Variants in KIAA1328 observed in about 807,000 individuals in gnomAD.
KIAA1328 encodes the protein protein hinderin.
Under a neutral mutation model 68.1 loss-of-function variants are expected in KIAA1328, and 52 were observed. The observed-to-expected ratio is 0.76, with a 90% CI of 0.61 to 0.96. The LOEUF (loss-of-function observed/expected upper bound fraction) is 0.96. Ranked by LOEUF, KIAA1328 falls within the 40% of genes least tolerant of loss-of-function variation. KIAA1328 has a pLI of 0.00. For synonymous variants in KIAA1328, 232 were observed against 239.4 expected, an observed-to-expected ratio of 0.97 and a Z score of 0.28; for missense variants, 641 against 677.6, an observed-to-expected ratio of 0.95 and a Z score of 0.60.
chr18:36,923,328 C>T (rs1305715819), intron 5 of KIAA1328, among the ~76,000 whole-genome samples: 1 of 151,998 alleles, frequency 6.6e-6, no homozygotes, highest in Admixed American at 6.6e-5. Flanking sequence ...ATCAATGAAA[C>T]AAACAACAGA....
chr18:36,907,482 G>T (rs530289089), intron 5 of KIAA1328, among the ~76,000 whole-genome samples: 2 of 152,196 alleles, frequency 1.3e-5, no homozygotes, highest in Middle Eastern at 6.8e-3. Context: ...CTAGTGTGCT[G>T]ATACTTTTTG....
chr18:37,067,597 G>A (rs8088772), intron 7 of KIAA1328, 52 bp downstream of exon 7: 476,098 of 1,435,600 alleles, frequency 0.33, 84,318 homozygotes, highest in African/African-American at 0.64. Flanking sequence ...ATCTCGCCCT[G>A]TTGCCCAGGC....
At position 37,222,551 on chromosome 18, in the gene KIAA1328, C is replaced by A; in HGVS notation, c.*324C>A. The A allele has an allele frequency of 9.1e-7, 1 of 1,101,466 alleles. No homozygotes were observed. Among genetic ancestry groups the A allele is most frequent in the African/African-American group, 1.7e-5 (1 of 60,514 alleles). The allele number at this position is 1,101,466 out of a possible 1,614,324, so 68.2% of individuals were successfully genotyped here. On this transcript the variant is annotated 3_prime_UTR_variant, in exon 10 of 10. Transcript: ENST00000280020. ...CCTCATTTCAAGAGTGTTTCCTTCT[C>A]AAACTTCTGCTAGAAAATGCTGACT...
intron 6 of KIAA1328, among the ~76,000 whole-genome samples, chr18:37,021,969 G>A (rs1011778167): frequency 6.6e-6 from 1 of 152,078 alleles, no homozygotes; most frequent in Non-Finnish European, 1.5e-5. Flanking sequence ...GAACCCAGGA[G>A]ACAGAGCTTG....
intron 7 of KIAA1328, among the ~76,000 whole-genome samples, chr18:37,146,682 G>A (rs1027900360): frequency 5.9e-5 from 9 of 152,192 alleles, no homozygotes; most frequent in Admixed American, 1.3e-4. Flanking sequence ...GCTATGTGGC[G>A]TTGCATTTTC....
chr18:36,905,567 T>G (rs2049189366), intron 5 of KIAA1328, among the ~76,000 whole-genome samples: 1 of 152,160 alleles, frequency 6.6e-6, no homozygotes, highest in Non-Finnish European at 1.5e-5. Flanking sequence ...AAAAACGTCT[T>G]TATTTTGCAA....
intron 6 of KIAA1328, among the ~76,000 whole-genome samples, chr18:37,025,740 T>G (rs1312515036): frequency 1.3e-5 from 2 of 152,088 alleles, no homozygotes; most frequent in African/African-American, 2.4e-5. Flanking sequence ...AGAGGGAAAT[T>G]TATAGCACTA....
intron 9 of KIAA1328, among the ~76,000 whole-genome samples, chr18:37,202,780 C>T (rs1490760392): frequency 1.3e-5 from 2 of 151,956 alleles, no homozygotes; most frequent in Non-Finnish European, 2.9e-5. Context: ...GGTTAAACAC[C>T]ATTATTATTT....
intron 9 of KIAA1328, among the ~76,000 whole-genome samples, chr18:37,190,517 G>A (rs565601631): frequency 1.3e-5 from 2 of 152,238 alleles, no homozygotes; most frequent in South Asian, 2.1e-4. Flanking sequence ...GATGCTGCGC[G>A]AGTTTTCTGG....
chr18:37,025,908 C>G (rs1444094344), intron 6 of KIAA1328, among the ~76,000 whole-genome samples: 5 of 152,116 alleles, frequency 3.3e-5, no homozygotes, highest in Admixed American at 2.0e-4. Flanking sequence ...ACACAAAAAA[C>G]CCTTCAAAAA....
At chr18:36,880,177 CCTGAT>C (rs1405768812) in intron 4 of KIAA1328, among the ~76,000 whole-genome samples, 1 of 152,184 alleles carries the variant, frequency 6.6e-6, no homozygotes, top group Non-Finnish European at 1.5e-5. Flanking sequence ...GAGGGAATCT[CCTGAT>C]CTGTGGGTTG....
At chr18:37,196,639 C>T (rs1490368215) in intron 9 of KIAA1328, among the ~76,000 whole-genome samples, 1 of 152,042 alleles carries the variant, frequency 6.6e-6, no homozygotes, top group African/African-American at 2.4e-5. Context: ...ATGAATTTCA[C>T]TTGATCATGG....
chr18:37,078,226 G>A (rs544737420), intron 7 of KIAA1328, among the ~76,000 whole-genome samples: 33 of 152,262 alleles, frequency 2.2e-4, no homozygotes, highest in Admixed American at 3.3e-4. Flanking sequence ...CAAGCAATGG[G>A]GAAAGGATTC....
At chr18:36,932,686 A>G (rs368125359) in intron 5 of KIAA1328, among the ~76,000 whole-genome samples, 1 of 152,218 alleles carries the variant, frequency 6.6e-6, no homozygotes, top group South Asian at 2.1e-4. Context: ...TCAGTCATAT[A>G]AGAAGTCTCC....
chr18:37,097,521 T>G (rs2057450462), intron 7 of KIAA1328, among the ~76,000 whole-genome samples: 1 of 152,230 alleles, frequency 6.6e-6, no homozygotes, highest in South Asian at 2.1e-4. Flanking sequence ...GCCTCCAGCT[T>G]TGTTCTTTTG....
At chr18:37,226,400 A>G (rs1413356764), downstream of KIAA1328, among the ~76,000 whole-genome samples, 1 of 152,080 alleles carries the variant, frequency 6.6e-6, no homozygotes. Context: ...CATCACCACA[A>G]TCAATTTTAG....
chr18:37,010,654 A>T (rs1258159823), intron 6 of KIAA1328, among the ~76,000 whole-genome samples: 1 of 152,182 alleles, frequency 6.6e-6, no homozygotes, highest in East Asian at 1.9e-4. Flanking sequence ...TGATGGAGAT[A>T]AGCATTGTCT....
At chr18:37,147,844 A>G (rs759070091) in intron 7 of KIAA1328, among the ~76,000 whole-genome samples, 6 of 152,196 alleles carry the variant, frequency 3.9e-5, no homozygotes, top group Non-Finnish European at 7.4e-5. Flanking sequence ...ATATGTTCTA[A>G]GAAATGTCTT....
intron 9 of KIAA1328, among the ~76,000 whole-genome samples, chr18:37,215,892 G>C (rs1330125782): frequency 6.6e-6 from 1 of 152,076 alleles, no homozygotes. Context: ...TGTATGTGTC[G>C]AGGAATTTAT....
Sources: allele counts gnomAD v4.1 joint callset (sites outside exome capture counted in the v4.1 genomes callset), GRCh38; gene constraint gnomAD v4.1.1; transcripts MANE v1.5; gene names NCBI Gene and HGNC (gene_info 2026-07-23, HGNC 2026-07-21).